FGF14: variants seen among roughly 807,000 people sequenced by gnomAD.
FGF14 encodes fibroblast growth factor 14.
FGF14 carries 5 observed loss-of-function variants against 25.5 expected under a neutral mutation model. The observed-to-expected ratio is 0.20, with a 90% CI of 0.10 to 0.41. FGF14 has a LOEUF of 0.41. Among genes scored for constraint, FGF14 ranks in the 10% least tolerant of loss-of-function variants. The pLI, the probability that FGF14 is intolerant of heterozygous loss-of-function variation, is 1.00. For missense variants in FGF14, 222 were observed against 320.1 expected (o/e 0.69, Z 2.34); for synonymous variants, 138 against 118.3 (o/e 1.17, Z -1.08).
At chr13:101,753,270 T>TAC (rs928062758) in intron 3 of FGF14, among the ~76,000 whole-genome samples, 1 of 141,396 alleles carries the variant, frequency 7.1e-6, no homozygotes, top group African/African-American at 2.7e-5. Flanking sequence ...TATGATCAAA[T>TAC]ACACACACAC....
chr13:102,370,306 A>T (rs1287176945), intron 1 of FGF14, among the ~76,000 whole-genome samples: 2 of 152,170 alleles, frequency 1.3e-5, no homozygotes, highest in African/African-American at 4.8e-5. Context: ...GAACAATTCT[A>T]TTGACACATT....
At chr13:102,181,901 A>C (rs997049899) in intron 1 of FGF14, among the ~76,000 whole-genome samples, 4 of 152,182 alleles carry the variant, frequency 2.6e-5, no homozygotes, top group Non-Finnish European at 5.9e-5. Flanking sequence ...AGAAAGAACA[A>C]GAAAAGGAAG....
chr13:102,329,565 C>A (rs746836435), intron 1 of FGF14, among the ~76,000 whole-genome samples: 9 of 152,108 alleles, frequency 5.9e-5, no homozygotes, highest in Non-Finnish European at 1.2e-4. Context: ...ATCAATCTAC[C>A]CAAGAGTATT....
chr13:102,183,383 C>A (rs1354754950), intron 1 of FGF14, among the ~76,000 whole-genome samples: 2 of 152,148 alleles, frequency 1.3e-5, no homozygotes, highest in East Asian at 3.9e-4. Flanking sequence ...GTTAAGAGAG[C>A]ATAAATCAAT....
chr13:102,385,486 C>T (rs2058281174), intron 1 of FGF14, among the ~76,000 whole-genome samples: 1 of 152,128 alleles, frequency 6.6e-6, no homozygotes, highest in Non-Finnish European at 1.5e-5. Flanking sequence ...TCTTGTTCTT[C>T]AATTACATCC....
At chr13:102,184,190 T>C (rs1483718293) in intron 1 of FGF14, among the ~76,000 whole-genome samples, 3 of 152,112 alleles carry the variant, frequency 2.0e-5, no homozygotes, top group Non-Finnish European at 4.4e-5. Context: ...TAAAGGCCAG[T>C]ACTGACTTCC....
chr13:101,819,905 T>C (rs1227251108), intron 3 of FGF14, among the ~76,000 whole-genome samples: 1 of 152,204 alleles, frequency 6.6e-6, no homozygotes, highest in Non-Finnish European at 1.5e-5. Flanking sequence ...GGAAAGATAT[T>C]TCAGAGAACA....
chr13:101,966,937 G>C (rs552637496), intron 1 of FGF14, among the ~76,000 whole-genome samples: 1 of 152,146 alleles, frequency 6.6e-6, no homozygotes, highest in South Asian at 2.1e-4. Context: ...GAATGCCTAA[G>C]AATATTACTC....
chr13:101,844,911 G>A (rs975216185), intron 3 of FGF14, among the ~76,000 whole-genome samples: 7 of 151,982 alleles, frequency 4.6e-5, no homozygotes, highest in East Asian at 1.9e-4. Flanking sequence ...CCCTGACATC[G>A]TAGGAATTTA....
chr13:101,927,868 T>C (rs1252637058), intron 1 of FGF14, among the ~76,000 whole-genome samples: 1 of 152,132 alleles, frequency 6.6e-6, no homozygotes, highest in African/African-American at 2.4e-5. Context: ...GCTCAGTCAG[T>C]GTTTGTCAAA....
intron 1 of FGF14, chr13:102,046,074 C>A (rs1456221553): frequency 5.2e-5 from 8 of 154,262 alleles, no homozygotes; most frequent in African/African-American, 1.7e-4. Context: ...TATTCTAACT[C>A]CCACTTCTTG....
chr13:102,093,810 G>GT lies in FGF14; in HGVS notation c.209-218515dup, dbSNP rs202196881. On this transcript the variant is annotated intron_variant, in intron 1 of 4. Transcript: ENST00000376131. ...AAATGAATCCTGTGTAAGGATCATT[G>GT]TTTAAAAAAAAAAAAAAAGGAAGGA... 9.5e-3 allele frequency among the ~76,000 whole-genome samples: 580 copies of GT among 60,912 alleles called. 5 individuals are homozygous for GT. The highest frequency in any genetic ancestry group is 0.038 in the African/African-American group (505 of 13,166). The allele number at this position is 60,912 out of a possible 152,430, so 40.0% of individuals were successfully genotyped here. A position where few individuals can be genotyped will look rare whatever the true frequency, so the allele number is the denominator to read the frequency against.
At chr13:102,229,185 T>C (rs1440374997) in intron 1 of FGF14, among the ~76,000 whole-genome samples, 1 of 152,192 alleles carries the variant, frequency 6.6e-6, no homozygotes. Context: ...GTTTTGTGGA[T>C]ACCCTACGTT....
At position 102,106,189 on chromosome 13, in the gene FGF14, C is replaced by T. The variant is rs188782335; in HGVS notation, c.209-230893G>A. Among the ~76,000 whole-genome samples, 85 of 152,208 alleles carry T rather than the reference C, an allele frequency of 5.6e-4. 1 individual carries two copies. The East Asian group carries it at 0.014, about 25-fold the overall frequency. On this transcript the variant is annotated intron_variant, in intron 1 of 4. Coordinates refer to the FGF14 transcript ENST00000376131. ...TTATGTGCAGTAAGTCAATGTAGTG[C>T]TGAGTGATTGCTACTAAGGTATCCA...
At chr13:101,725,902 TA>T (rs997505250) in intron 4 of FGF14, among the ~76,000 whole-genome samples, 1 of 152,056 alleles carries the variant, frequency 6.6e-6, no homozygotes, top group Non-Finnish European at 1.5e-5. Context: ...GTTGATTAAT[TA>T]AAAAAACTTT....
intron 3 of FGF14, among the ~76,000 whole-genome samples, chr13:101,731,615 C>T (rs1055068696): frequency 6.6e-6 from 1 of 152,090 alleles, no homozygotes; most frequent in Non-Finnish European, 1.5e-5. Flanking sequence ...AGGAAAATAC[C>T]GTGATGGGCC....
chr13:102,232,393 A>G (rs1182328087), intron 1 of FGF14, among the ~76,000 whole-genome samples: 3 of 152,208 alleles, frequency 2.0e-5, no homozygotes, highest in African/African-American at 7.2e-5. Flanking sequence ...AGAAATTTAA[A>G]TAAGAAATAA....
chr13:101,966,494 T>C (rs558861287), intron 1 of FGF14, among the ~76,000 whole-genome samples: 2 of 152,092 alleles, frequency 1.3e-5, no homozygotes, highest in African/African-American at 4.8e-5. Flanking sequence ...TTTGTTTTTG[T>C]TTTTTTGAGA....
chr13:102,121,919 A>G (rs1438130401), intron 1 of FGF14, among the ~76,000 whole-genome samples: 1 of 152,222 alleles, frequency 6.6e-6, no homozygotes, highest in African/African-American at 2.4e-5. Flanking sequence ...GTAGCCTAAG[A>G]AAACGGCTTT....
Sources: allele counts gnomAD v4.1 joint callset (sites outside exome capture counted in the v4.1 genomes callset), GRCh38; gene constraint gnomAD v4.1.1; transcripts MANE v1.5; gene names NCBI Gene and HGNC (gene_info 2026-07-23, HGNC 2026-07-21).